The following SVEP1 variants were observed in gnomAD, a reference collection of about 807,000 sequenced individuals.
The protein encoded by SVEP1 is sushi, von Willebrand factor type A, EGF and pentraxin domain containing 1.
Under a neutral mutation model 367.3 loss-of-function variants are expected in SVEP1, and 164 were observed. The observed-to-expected ratio is 0.45, with a 90% CI of 0.39 to 0.51. SVEP1 has a LOEUF of 0.51. Ranked by LOEUF, SVEP1 falls within the 20% of genes least tolerant of loss-of-function variation. The pLI is 0.00. For missense variants in SVEP1, 4,117 were observed against 4,425.3 expected, an observed-to-expected ratio of 0.93 and a Z score of 1.98; for synonymous variants, 1,666 against 1,611.6, an observed-to-expected ratio of 1.03 and a Z score of -0.81.
intron 1 of SVEP1, among the ~76,000 whole-genome samples, chr9:110,565,358 G>T (rs1830479014): frequency 6.6e-6 from 1 of 152,130 alleles, no homozygotes; most frequent in South Asian, 2.1e-4. Context: ...AAGAAAATTT[G>T]ATTTTTGCTT....
chr9:110,432,847 A>G (rs1270630574), intron 30 of SVEP1, among the ~76,000 whole-genome samples: 1 of 152,206 alleles, frequency 6.6e-6, no homozygotes, highest in African/African-American at 2.4e-5. Flanking sequence ...TTTATTCAAA[A>G]AACATTTACC....
intron 3 of SVEP1, among the ~76,000 whole-genome samples, chr9:110,544,448 A>G (rs1431675873): frequency 6.6e-6 from 1 of 152,228 alleles, no homozygotes; most frequent in Non-Finnish European, 1.5e-5. Context: ...ATGCTATCCA[A>G]TACAGAAAAA....
At chr9:110,428,513 T>C (rs988265350) in intron 35 of SVEP1, among the ~76,000 whole-genome samples, 1 of 152,170 alleles carries the variant, frequency 6.6e-6, no homozygotes, top group Non-Finnish European at 1.5e-5. Flanking sequence ...TGAGTACGTT[T>C]GGTAAGCTGT....
At chr9:110,449,048 C>T (rs964236967) in intron 24 of SVEP1, among the ~76,000 whole-genome samples, 1 of 152,128 alleles carries the variant, frequency 6.6e-6, no homozygotes, top group African/African-American at 2.4e-5. Context: ...ATCTTGAGGA[C>T]AATACAGTTT....
At chr9:110,568,801 T>C (rs1244677028) in intron 1 of SVEP1, among the ~76,000 whole-genome samples, 4 of 147,566 alleles carry the variant, frequency 2.7e-5, no homozygotes, top group African/African-American at 7.5e-5. Flanking sequence ...AACACCAACT[T>C]TGAAATTAGA....
intron 27 of SVEP1, chr9:110,443,192 G>A (rs1377836576): frequency 1.1e-5 from 2 of 174,292 alleles, no homozygotes; most frequent in Non-Finnish European, 2.4e-5. Context: ...GGATAGCAGT[G>A]GTCCTGCTTA....
At chr9:110,457,426 G>A (rs1004928479) in intron 20 of SVEP1, 74 bp from the exon 21 acceptor site, 4 of 1,201,800 alleles carry the variant, frequency 3.3e-6, no homozygotes, top group Non-Finnish European at 4.8e-6. Context: ...ATTAGAGTCA[G>A]GTTTGCAACA....
intron 22 of SVEP1, among the ~76,000 whole-genome samples, chr9:110,454,554 AC>A (rs1442254695): frequency 6.6e-6 from 1 of 152,214 alleles, no homozygotes; most frequent in Non-Finnish European, 1.5e-5. Flanking sequence ...CATGGAATAC[AC>A]CTAGGTGCCC....
In SVEP1 at chr9:110,375,498, G is replaced by A. The variant is rs1164253754; in HGVS notation, c.10505-35C>T. 4 of 1,457,534 alleles carry A rather than the reference G, an allele frequency of 2.7e-6. No individual in the cohort carries two copies. In the South Asian group the frequency reaches 5.3e-5, roughly 19 times the overall value. The allele number at this position is 1,457,534 out of a possible 1,614,324, so 90.3% of individuals were successfully genotyped here. On this transcript the variant is annotated intron_variant, in intron 45 of 47. Coordinates refer to ENST00000374469, the MANE Select transcript of SVEP1 (RefSeq NM_153366.4). ...AAAAAAAAAAAAAAAAAAGGAGGCA[G>A]GGGGGATTGAAATGGCGTTGATCAA... is the stretch of plus-strand genomic sequence containing the variant.
intron 1 of SVEP1, among the ~76,000 whole-genome samples, chr9:110,566,567 G>C (rs1173406023): frequency 6.6e-6 from 1 of 152,080 alleles, no homozygotes; most frequent in African/African-American, 2.4e-5. Context: ...ATTTTATGCA[G>C]AACAGTGAAT....
At position 110,455,578 on chromosome 9, in the gene SVEP1, C is replaced by A; in HGVS notation, c.3787+12G>T. The A allele has an allele frequency of 5.0e-6, 8 of 1,591,076 alleles. No homozygotes were observed. Among genetic ancestry groups the A allele is most frequent in the Non-Finnish European group, 6.9e-6 (8 of 1,164,186 alleles). On this transcript the variant is annotated intron_variant, in intron 22 of 47. Coordinates refer to ENST00000374469, the MANE Select transcript of SVEP1 (RefSeq NM_153366.4). ...GATTTATATTGTTGAAAACAGGAGA[C>A]CTTCCCCTTACCTGTGTAACCTGAT...
At chr9:110,458,388 C>A in intron 20 of SVEP1, 83 bp downstream of exon 20, 1 of 1,170,394 alleles carries the variant, frequency 8.5e-7, no homozygotes, top group South Asian at 1.4e-5. Context: ...CAATCCTGGT[C>A]CTTTTCCTGT....
chr9:110,551,302 C>T (rs973234622), intron 1 of SVEP1, among the ~76,000 whole-genome samples: 10 of 152,054 alleles, frequency 6.6e-5, no homozygotes, highest in African/African-American at 2.2e-4. Context: ...GATTCATGTC[C>T]GTAGAAAGCA....
At chr9:110,567,308 T>C (rs1489786491) in intron 1 of SVEP1, among the ~76,000 whole-genome samples, 1 of 152,170 alleles carries the variant, frequency 6.6e-6, no homozygotes, top group African/African-American at 2.4e-5. Context: ...CCTTATCTAA[T>C]ATCTCCCTAC....
Position 110,471,520 on chromosome 9 carries a change from T to C in SVEP1, c.2842A>G (p.Thr948Ala). 1 of 1,613,978 alleles carries C rather than the reference T, an allele frequency of 6.2e-7. No homozygotes were observed. Among genetic ancestry groups the C allele is most frequent in the Non-Finnish European group, 8.5e-7 (1 of 1,179,870 alleles). Residue 948 changes from threonine to alanine, a missense_variant, in exon 16 of 48, where the codon ACT becomes GCT. Transcript: ENST00000374469. The stretch of plus-strand genomic sequence containing the variant: ...GTCCTTTTCAGTTTATTTGTGATAG[T>C]TTCCAATGTCTGAAGGAGTCGTTGC... Reference protein sequence around the residue: ...NQQRLLQTLETITNKLKRTLN... With the variant: ...NQQRLLQTLEAITNKLKRTLN...
intron 37 of SVEP1, among the ~76,000 whole-genome samples, chr9:110,410,023 A>C: frequency 9.4e-6 from 1 of 106,676 alleles, no homozygotes; most frequent in Non-Finnish European, 1.7e-5. Context: ...TTTATAAATG[A>C]ACACCTCTCT....
chr9:110,390,325 T>A (rs375135594), intron 40 of SVEP1, among the ~76,000 whole-genome samples: 3 of 58,074 alleles, frequency 5.2e-5, no homozygotes, highest in African/African-American at 8.5e-5. Context: ...GTATATATAC[T>A]TATATATACA....
Position 110,473,400 on chromosome 9 carries a change from G to A in SVEP1, c.2600-1077C>T, listed in dbSNP as rs1011982646. 7.6e-4 allele frequency among the ~76,000 whole-genome samples: 115 copies of A among 151,984 alleles called. 1 individual carries two copies. The highest frequency in any genetic ancestry group is 2.7e-3 in the African/African-American group (111 of 41,380). Reference sequence around the variant, plus strand: ...GGCAAGCTTTTTTCCCACTGTGAATGTATAAATATACACACAGATATACAT... The same window carrying A: ...GGCAAGCTTTTTTCCCACTGTGAATATATAAATATACACACAGATATACAT... On this transcript the variant is annotated intron_variant, in intron 14 of 47. Coordinates refer to ENST00000374469, the MANE Select transcript of SVEP1 (RefSeq NM_153366.4).
intron 40 of SVEP1, among the ~76,000 whole-genome samples, chr9:110,390,541 G>T (rs966615495): frequency 6.6e-6 from 1 of 150,936 alleles, no homozygotes; most frequent in African/African-American, 2.4e-5. Flanking sequence ...ATCTAAAAAT[G>T]CAAACCCCCA....
Sources: gnomAD v4.1 joint callset for allele counts (sites outside exome capture counted in the v4.1 genomes callset) on GRCh38, gnomAD v4.1.1 for gene constraint, MANE v1.5 for transcripts, NCBI Gene and HGNC (gene_info 2026-07-23, HGNC 2026-07-21) for gene names.